Variants in MARCHF6 observed in about 807,000 individuals in gnomAD.
MARCHF6 encodes membrane associated ring-CH-type finger 6.
A neutral mutation model predicts 133.7 loss-of-function variants in MARCHF6; 31 were observed. That is an observed-to-expected ratio of 0.23 (90% CI 0.17 to 0.31). The LOEUF (loss-of-function observed/expected upper bound fraction) is 0.31. Among genes scored for constraint, MARCHF6 ranks in the 10% least tolerant of loss-of-function variants. The pLI, the probability that MARCHF6 is intolerant of heterozygous loss-of-function variation, is 1.00. For missense variants in MARCHF6, 723 were observed against 1,121.6 expected (o/e 0.64, Z 5.08); for synonymous variants, 395 against 402.5 (o/e 0.98, Z 0.22).
intron 15 of MARCHF6, among the ~76,000 whole-genome samples, chr5:10,404,303 A>G (rs1049769065): frequency 1.3e-5 from 2 of 151,996 alleles, no homozygotes; most frequent in African/African-American, 4.8e-5. Flanking sequence ...CCTGACCTCA[A>G]ATGATCCACC....
At chr5:10,361,849 C>G (rs182497185) in intron 1 of MARCHF6, among the ~76,000 whole-genome samples, 1 of 152,028 alleles carries the variant, frequency 6.6e-6, no homozygotes. Flanking sequence ...TGGCAACCTC[C>G]GCCTCCTGGA....
chr5:10,381,869 G>A lies in MARCHF6; in HGVS notation c.260G>A (p.Gly87Asp). Residue 87 changes from glycine to aspartate, a missense_variant, in exon 4 of 26, where the codon GGC (glycine) becomes GAC (aspartate). Physicochemically the swap from Gly to Asp is moderately conservative, Grantham distance 94. Transcript: ENST00000274140. The stretch of plus-strand genomic sequence containing the variant: ...TTTGCTGGACTGGTTACAAGTATTG[G>A]CACTGCAATACGATATTGGTTTCAT... ...DIFAGLVTSI[G>D]TAIRYWFHYT... The A allele has an allele frequency of 6.2e-7, 1 of 1,609,736 alleles. No homozygotes were observed. Among genetic ancestry groups the A allele is most frequent in the Non-Finnish European group, 8.5e-7 (1 of 1,176,398 alleles).
At chr5:10,394,940 C>A (rs1738094252) in intron 9 of MARCHF6, among the ~76,000 whole-genome samples, 155 bp downstream of exon 9, 2 of 151,986 alleles carry the variant, frequency 1.3e-5, no homozygotes, top group African/African-American at 4.8e-5. Context: ...GCTGGGACTA[C>A]AGGTGCCCGC....
intron 24 of MARCHF6, among the ~76,000 whole-genome samples, chr5:10,428,964 G>A (rs1224259251): frequency 6.6e-6 from 1 of 152,060 alleles, no homozygotes; most frequent in Non-Finnish European, 1.5e-5. Flanking sequence ...TTATTCTTAG[G>A]GTAGCTTTTT....
intron 22 of MARCHF6, among the ~76,000 whole-genome samples, chr5:10,421,349 A>G (rs995537640): frequency 2.0e-5 from 3 of 152,322 alleles, no homozygotes; most frequent in East Asian, 3.9e-4. Flanking sequence ...AAGTAGAGAT[A>G]TTTGTTTTGA....
At chr5:10,431,186 C>G (rs145071552) in intron 25 of MARCHF6, among the ~76,000 whole-genome samples, 4 of 152,260 alleles carry the variant, frequency 2.6e-5, no homozygotes, top group East Asian at 3.9e-4. Flanking sequence ...GTAAAAAATA[C>G]AAGTACACTT....
At chr5:10,430,130 G>A in intron 25 of MARCHF6, 102 bp downstream of exon 25, 2 of 1,338,384 alleles carry the variant, frequency 1.5e-6, no homozygotes, top group South Asian at 2.8e-5. Context: ...TCAGATTCTG[G>A]ATATACTTGG....
At chr5:10,401,012 A>G in intron 11 of MARCHF6, 170 bp downstream of exon 11, 1 of 560,222 alleles carries the variant, frequency 1.8e-6, no homozygotes, top group Non-Finnish European at 3.1e-6. Flanking sequence ...GGCTCAAGAG[A>G]TAGTGGTCAT....
At chr5:10,417,465 T>C (rs972314861) in intron 22 of MARCHF6, 61 bp downstream of exon 22, 2 of 1,603,400 alleles carry the variant, frequency 1.2e-6, no homozygotes, top group Non-Finnish European at 1.7e-6. Flanking sequence ...AAAATAATCC[T>C]AGCCAGGCAT....
At chr5:10,360,269 C>T (rs1048492826) in intron 1 of MARCHF6, among the ~76,000 whole-genome samples, 1 of 150,470 alleles carries the variant, frequency 6.6e-6, no homozygotes, top group African/African-American at 2.4e-5. Flanking sequence ...CCTGCCTCAG[C>T]CTCCCGAGTA....
intron 3 of MARCHF6, among the ~76,000 whole-genome samples, chr5:10,381,593 G>A (rs1320822816): frequency 6.6e-6 from 1 of 152,034 alleles, no homozygotes; most frequent in Non-Finnish European, 1.5e-5. Context: ...GGCCTTTGTT[G>A]ATTTCCACGT....
intron 19 of MARCHF6, among the ~76,000 whole-genome samples, chr5:10,414,111 A>G (rs1739374980): frequency 6.6e-6 from 1 of 151,024 alleles, no homozygotes; most frequent in Admixed American, 6.6e-5. Context: ...TATTTGATTA[A>G]AAGGTGAATG....
intron 1 of MARCHF6, among the ~76,000 whole-genome samples, chr5:10,374,071 A>G (rs1736625844): frequency 6.6e-6 from 1 of 151,092 alleles, no homozygotes; most frequent in South Asian, 2.1e-4. Context: ...AATAATAGGG[A>G]ATCTCAATTT....
At position 10,438,478 on chromosome 5, in the gene MARCHF6, T is replaced by A. The variant is rs1740729894; in HGVS notation, c.*4794T>A. The A allele has an allele frequency of 6.6e-6, 1 of 152,152 alleles. No homozygotes were observed. Among genetic ancestry groups the A allele is most frequent in the African/African-American group, 2.4e-5 (1 of 41,426 alleles). The allele number at this position is 152,152 out of a possible 1,614,324, so 9.4% of individuals were successfully genotyped here. A position where few individuals can be genotyped will look rare whatever the true frequency, so the allele number is the denominator to read the frequency against. ...GCTGAAATTTTTCAGCAAAGGAAAT[T>A]GCATGGTCAAGTTCAGAAACTGGCC... On this transcript the variant is annotated 3_prime_UTR_variant, in exon 26 of 26. Coordinates refer to ENST00000274140, the MANE Select transcript of MARCHF6 (RefSeq NM_005885.4).
At chr5:10,421,044 A>G in intron 22 of MARCHF6, among the ~76,000 whole-genome samples, 1 of 152,224 alleles carries the variant, frequency 6.6e-6, no homozygotes, top group East Asian at 1.9e-4. Flanking sequence ...TGCAATGAGT[A>G]ATAAATGCAA....
intron 20 of MARCHF6, 68 bp downstream of exon 20, chr5:10,414,570 T>C: frequency 7.9e-7 from 1 of 1,259,688 alleles, no homozygotes; most frequent in Non-Finnish European, 1.2e-6. Context: ...TTTGACAGAG[T>C]CTTGCTCTGT....
intron 1 of MARCHF6, among the ~76,000 whole-genome samples, chr5:10,374,241 G>GATA (rs1561105612): frequency 6.6e-6 from 1 of 152,188 alleles, no homozygotes; most frequent in Non-Finnish European, 1.5e-5. Context: ...ATCCTTTAAA[G>GATA]AGGATCTATT....
intron 6 of MARCHF6, 57 bp downstream of exon 6, chr5:10,390,557 T>C (rs1439266831): frequency 2.0e-6 from 3 of 1,486,106 alleles, no homozygotes; most frequent in Non-Finnish European, 1.8e-6. Flanking sequence ...AATTATTGTT[T>C]CTCTCTGAGA....
intron 12 of MARCHF6, 69 bp from the exon 13 acceptor site, chr5:10,402,315 G>A: frequency 7.3e-7 from 1 of 1,370,444 alleles, no homozygotes; most frequent in East Asian, 2.3e-5. Flanking sequence ...AATACTAAAT[G>A]TTGGCTAAGT....
Sources: gnomAD v4.1 joint callset for allele counts (sites outside exome capture counted in the v4.1 genomes callset) on GRCh38, gnomAD v4.1.1 for gene constraint, MANE v1.5 for transcripts, NCBI Gene and HGNC (gene_info 2026-07-23, HGNC 2026-07-21) for gene names.